The following PRKG1 variants were observed in gnomAD, a reference collection of about 807,000 sequenced individuals.
The protein encoded by PRKG1 is cGMP-dependent protein kinase 1.
Under a neutral mutation model 88.1 loss-of-function variants are expected in PRKG1, and 35 were observed. The observed-to-expected ratio is 0.40, with a 90% CI of 0.30 to 0.53. The LOEUF (loss-of-function observed/expected upper bound fraction) is 0.53. PRKG1 is among the 20% of genes least tolerant of loss of function. The pLI is 0.59. For missense variants in PRKG1, 540 were observed against 839.8 expected (o/e 0.64, Z 4.41); for synonymous variants, 303 against 292.5 (o/e 1.04, Z -0.37).
intron 3 of PRKG1, chr10:51,697,787 G>GCAGT: frequency 6.2e-7 from 1 of 1,614,174 alleles, no homozygotes. Context: ...AATCTGATCT[G>GCAGT]CAGTCAGTTG....
intron 1 of PRKG1, among the ~76,000 whole-genome samples, chr10:51,036,499 TGA>T (rs986120830): frequency 3.7e-4 from 56 of 152,040 alleles, no homozygotes; most frequent in African/African-American, 1.3e-3. Flanking sequence ...AGGAGTGATC[TGA>T]GACTGGGAGC....
chr10:51,181,857 C>T (rs1015148978), intron 2 of PRKG1, among the ~76,000 whole-genome samples: 2 of 152,162 alleles, frequency 1.3e-5, no homozygotes, highest in Non-Finnish European at 2.9e-5. Context: ...ATGACATTGC[C>T]TCTTGGAGGT....
At chr10:51,429,496 G>A (rs1005372688) in intron 2 of PRKG1, among the ~76,000 whole-genome samples, 2 of 151,958 alleles carry the variant, frequency 1.3e-5, no homozygotes, top group Non-Finnish European at 2.9e-5. Context: ...TGACTCTAAG[G>A]GTCCCACATG....
intron 4 of PRKG1, among the ~76,000 whole-genome samples, chr10:51,830,841 C>T (rs556613372): frequency 6.1e-4 from 93 of 152,086 alleles, no homozygotes; most frequent in Non-Finnish European, 7.9e-4. Context: ...GTATTACAGG[C>T]GTTAGCCACC....
intron 3 of PRKG1, among the ~76,000 whole-genome samples, chr10:51,577,758 T>C (rs1449997520): frequency 6.6e-6 from 1 of 152,024 alleles, no homozygotes; most frequent in Admixed American, 6.6e-5. Context: ...TGCAGTTTGG[T>C]TTTGATTACC....
intron 3 of PRKG1, among the ~76,000 whole-genome samples, chr10:51,480,908 G>A (rs981301101): frequency 1.3e-5 from 2 of 152,028 alleles, no homozygotes; most frequent in Non-Finnish European, 2.9e-5. Flanking sequence ...AGGTATATGA[G>A]GGACTGGAGA....
chr10:51,991,585 C>G (rs147122267), intron 5 of PRKG1, among the ~76,000 whole-genome samples: 2,453 of 152,150 alleles, frequency 0.016, 68 homozygotes, highest in African/African-American at 0.055. Context: ...CTGGGTCCAA[C>G]GGTTCTCATT....
At chr10:51,433,410 G>A (rs1346736999) in intron 2 of PRKG1, among the ~76,000 whole-genome samples, 2 of 152,050 alleles carry the variant, frequency 1.3e-5, no homozygotes, top group South Asian at 2.1e-4. Context: ...GGAGCCTTGG[G>A]ATTCTCCTAT....
chr10:52,122,707 T>C (rs568309800), intron 7 of PRKG1, among the ~76,000 whole-genome samples: 112 of 152,308 alleles, frequency 7.4e-4, no homozygotes, highest in Non-Finnish European at 1.3e-3. Flanking sequence ...ACAGAGTAAA[T>C]ACCATTTGTA....
At chr10:51,816,271 C>T (rs1937720) in intron 4 of PRKG1, among the ~76,000 whole-genome samples, 33,065 of 151,862 alleles carry the variant, frequency 0.22, 5,852 homozygotes, top group African/African-American at 0.49. Context: ...TGCTGGCCTC[C>T]CCCTGAGCCT....
chr10:51,255,732 T>C (rs9943368), intron 2 of PRKG1, among the ~76,000 whole-genome samples: 80,985 of 151,856 alleles, frequency 0.53, 21,893 homozygotes, highest in Middle Eastern at 0.63. Context: ...ATGGTTAGGC[T>C]TTATGCCAGA....
intron 1 of PRKG1, among the ~76,000 whole-genome samples, chr10:51,050,933 C>A (rs369737672): frequency 1.3e-3 from 195 of 152,082 alleles, no homozygotes; most frequent in African/African-American, 4.5e-3. Context: ...TACTTCATGG[C>A]CGTTTGTGTG....
At chr10:51,388,618 TTC>T (rs1278491298) in intron 2 of PRKG1, among the ~76,000 whole-genome samples, 3 of 152,140 alleles carry the variant, frequency 2.0e-5, no homozygotes, top group African/African-American at 7.2e-5. Context: ...GAAAAAAAAA[TTC>T]TGTCTTTCCA....
chr10:52,203,098 T>C (rs190336875), intron 9 of PRKG1, among the ~76,000 whole-genome samples: 4 of 152,148 alleles, frequency 2.6e-5, no homozygotes, highest in East Asian at 1.9e-4. Flanking sequence ...TTCCTCTAGA[T>C]GTGATGTTAG....
intron 12 of PRKG1, among the ~76,000 whole-genome samples, chr10:52,278,843 C>A (rs978335865): frequency 2.0e-5 from 3 of 147,340 alleles, no homozygotes; most frequent in African/African-American, 7.6e-5. Context: ...GCTGAGGTTG[C>A]AGTGAACCGA....
chr10:51,591,646 C>CT (rs1838315643), intron 3 of PRKG1, among the ~76,000 whole-genome samples: 1 of 152,088 alleles, frequency 6.6e-6, no homozygotes, highest in African/African-American at 2.4e-5. Flanking sequence ...GGAATGAAGG[C>CT]TGTGGGGGTT....
At chr10:52,052,780 C>G (rs759910728) in intron 5 of PRKG1, among the ~76,000 whole-genome samples, 2 of 152,042 alleles carry the variant, frequency 1.3e-5, no homozygotes, top group Non-Finnish European at 2.9e-5. Flanking sequence ...CCCACCAGGT[C>G]CCTCCTACAA....
intron 3 of PRKG1, among the ~76,000 whole-genome samples, chr10:51,522,075 C>T (rs1841750383): frequency 6.6e-6 from 1 of 151,998 alleles, no homozygotes; most frequent in South Asian, 2.1e-4. Context: ...TAGTTGGATC[C>T]ACTGCTTTTA....
chr10:51,271,295 A>G (rs762221457), intron 2 of PRKG1, among the ~76,000 whole-genome samples: 3 of 151,818 alleles, frequency 2.0e-5, no homozygotes, highest in Non-Finnish European at 4.4e-5. Flanking sequence ...CAGCCTGGTC[A>G]TCATCTAAAT....
Sources: allele counts gnomAD v4.1 joint callset (sites outside exome capture counted in the v4.1 genomes callset), GRCh38; gene constraint gnomAD v4.1.1; transcripts MANE v1.5; gene names NCBI Gene and HGNC (gene_info 2026-07-23, HGNC 2026-07-21).